The following SNRNP200 variants were observed in gnomAD, a reference collection of about 807,000 sequenced individuals.
SNRNP200 encodes the protein U5 small nuclear ribonucleoprotein 200 kDa helicase.
In SNRNP200, 66 loss-of-function variants were observed where a neutral mutation model predicts 255.2. That is an observed-to-expected ratio of 0.26 (90% CI 0.21 to 0.32). SNRNP200 has a LOEUF of 0.32. Ranked by LOEUF, SNRNP200 falls within the 10% of genes least tolerant of loss-of-function variation. The pLI, the probability that SNRNP200 is intolerant of heterozygous loss-of-function variation, is 1.00. For missense variants in SNRNP200, 1,585 were observed against 2,749.8 expected (o/e 0.58, Z 9.47); for synonymous variants, 939 against 1,027.8 (o/e 0.91, Z 1.65).
intron 29 of SNRNP200, among the ~76,000 whole-genome samples, chr2:96,285,602 C>G (rs1320112317): frequency 6.6e-6 from 1 of 152,158 alleles, no homozygotes; most frequent in African/African-American, 2.4e-5. Flanking sequence ...GGGATGACAA[C>G]AAAAGCAAAG....
chr2:96,285,962 T>C (rs568851964), intron 29 of SNRNP200, among the ~76,000 whole-genome samples: 4 of 152,282 alleles, frequency 2.6e-5, no homozygotes, highest in Admixed American at 2.6e-4. Flanking sequence ...GCCTGCTCTG[T>C]GAATGTCCCC....
In SNRNP200 at chr2:96,294,889, T is replaced by C. The variant is rs191995512; in HGVS notation, c.1842+599A>G. ...TGGCTTAAGATCAAGTGTAGTAAAATATTTCAGACATAAAAAAATATATAA... is the reference window on the plus strand; with the variant it reads ...TGGCTTAAGATCAAGTGTAGTAAAACATTTCAGACATAAAAAAATATATAA... On this transcript the variant is annotated intron_variant, in intron 14 of 44. Coordinates refer to ENST00000323853, the MANE Select transcript of SNRNP200 (RefSeq NM_014014.5). Among the ~76,000 whole-genome samples, 245 of 152,236 alleles carry C rather than the reference T, an allele frequency of 1.6e-3. 1 individual carries two copies. The highest frequency in any genetic ancestry group is 3.9e-3 in the East Asian group (20 of 5,184).
In SNRNP200 at chr2:96,279,345, G is replaced by A. The variant is rs148976255; in HGVS notation, c.5133+106C>T. 228 of 805,492 alleles carry A rather than the reference G, an allele frequency of 2.8e-4. 2 individuals carry two copies. In the East Asian group the frequency reaches 6.0e-3, roughly 21 times the overall value. 49.9% of individuals were successfully genotyped at this position (805,492 alleles called of 1,614,324 possible). ...CAAAAGAATTGTGTAAATAAGAGAG[G>A]CAGAAGTTAAGAGACTAAAGTTACT... is the stretch of plus-strand genomic sequence containing the variant. On this transcript the variant is annotated intron_variant, in intron 36 of 44. Transcript: ENST00000323853.
rs1028878979 is a variant in SNRNP200, at chr2:96,301,442, T to C, written c.574+82A>G. 20 of 1,432,900 alleles carry C rather than the reference T, an allele frequency of 1.4e-5. No homozygotes were observed. The African/African-American group carries it at 2.2e-4, about 16-fold the overall frequency. The allele number at this position is 1,432,900 out of a possible 1,614,324, so 88.8% of individuals were successfully genotyped here. A position where few individuals can be genotyped will look rare whatever the true frequency, so the allele number is the denominator to read the frequency against. The stretch of plus-strand genomic sequence containing the variant: ...GGGAACTCACTGACATTAAGGTTTT[T>C]AAATGAATGATGCTAGAAGATGCAT... On this transcript the variant is annotated intron_variant, in intron 4 of 44. Transcript: ENST00000323853.
At position 96,290,620 on chromosome 2, in the gene SNRNP200, G is replaced by A. The variant is rs544744951; in HGVS notation, c.2553+64C>T. 2.1e-4 allele frequency: 332 copies of A among 1,613,278 alleles called. 3 individuals carry two copies. The South Asian group carries it at 3.5e-3, about 17-fold the overall frequency. On this transcript the variant is annotated intron_variant, in intron 19 of 44. Coordinates refer to ENST00000323853, the MANE Select transcript of SNRNP200 (RefSeq NM_014014.5). The surrounding 1 kb of genome is among the most constrained non-coding windows in gnomAD (Gnocchi z 4.5). ...AGACCTCTGATCTGCTAGCTTTCCA[G>A]CATCCCTGCATTTCAGGCAAGGATA...
intron 2 of SNRNP200, among the ~76,000 whole-genome samples, 166 bp downstream of exon 2, chr2:96,304,536 CTTG>C (rs2063974871): frequency 6.6e-6 from 1 of 152,198 alleles, no homozygotes; most frequent in South Asian, 2.1e-4. Context: ...TTGAGATGCA[CTTG>C]TTAAGGCCAA....
At position 96,274,701 on chromosome 2, in the gene SNRNP200, CTT is replaced by C. The variant is rs994411639; in HGVS notation, c.*309_*310del. 16 of 403,846 alleles carry C rather than the reference CTT, an allele frequency of 4.0e-5. No homozygotes were observed. The highest frequency in any genetic ancestry group is 2.0e-4 in the African/African-American group (10 of 49,010). 25.0% of individuals were successfully genotyped at this position (403,846 alleles called of 1,614,324 possible). A position where few individuals can be genotyped will look rare whatever the true frequency, so the allele number is the denominator to read the frequency against. ...GTGCCCTCAGGTTGGAGAAAGAAAA[CTT>C]TTAATTTGGAATCACTACAAAGACA... is the stretch of plus-strand genomic sequence containing the variant. On this transcript the variant is annotated 3_prime_UTR_variant, in exon 45 of 45. Transcript: ENST00000323853.
In SNRNP200 at chr2:96,274,693, AAAG is replaced by A. The variant is rs1684624430; in HGVS notation, c.*316_*318del. ...TTTTGGCCGTGCCCTCAGGTTGGAGAAAGAAAACTTTTAATTTGGAATCACTAC... is the reference window on the plus strand; with the variant it reads ...TTTTGGCCGTGCCCTCAGGTTGGAGAAAAACTTTTAATTTGGAATCACTAC... On this transcript the variant is annotated 3_prime_UTR_variant, in exon 45 of 45. Coordinates refer to ENST00000323853, the MANE Select transcript of SNRNP200 (RefSeq NM_014014.5). The A allele has an allele frequency of 2.5e-6, 1 of 392,340 alleles. No individual in the cohort carries two copies. 24.3% of individuals were successfully genotyped at this position (392,340 alleles called of 1,614,324 possible).
intron 24 of SNRNP200, 68 bp from the exon 25 acceptor site, chr2:96,288,037 A>G (rs1238145950): frequency 1.3e-5 from 18 of 1,407,880 alleles, no homozygotes; most frequent in Non-Finnish European, 8.1e-6. Context: ...GCCACTCTAC[A>G]CACGGTTTCA....
intron 30 of SNRNP200, 166 bp from the exon 31 acceptor site, chr2:96,284,751 T>TG: frequency 1.7e-6 from 1 of 593,430 alleles, no homozygotes. Flanking sequence ...AGCTTTTTCT[T>TG]TTTTTTTTTT....
At chr2:96,301,159 G>C (rs953161907) in intron 4 of SNRNP200, 106 bp from the exon 5 acceptor site, 1 of 952,548 alleles carries the variant, frequency 1.0e-6, no homozygotes, top group Non-Finnish European at 1.7e-6. Context: ...AAAGATCTAA[G>C]TGCTAAGGAC....
At position 96,293,332 on chromosome 2, in the gene SNRNP200, A is replaced by T. The variant is rs756478698; in HGVS notation, c.2020T>A (p.Phe674Ile). The T allele has an allele frequency of 6.2e-7, 1 of 1,614,124 alleles. No homozygotes were observed. ...TCCTGATACCTGTTGTCAAAGTAAA[A>T]GAGACCCTTGGCAGGGTCAACACGT... ...FLRVDPAKGL[F>I]YFDNSFRPVP... Residue 674 changes from phenylalanine to isoleucine, a missense_variant, in exon 15 of 45, where the codon TTT becomes ATT. Transcript: ENST00000323853.
At chr2:96,279,371 G>C (rs563640201) in intron 36 of SNRNP200, 80 bp downstream of exon 36, 5 of 913,610 alleles carry the variant, frequency 5.5e-6, no homozygotes, top group Non-Finnish European at 8.9e-6. Flanking sequence ...TAAAGTTACT[G>C]AAGACATCTA....
At chr2:96,280,496 A>T (rs529517083) in intron 35 of SNRNP200, among the ~76,000 whole-genome samples, 2 of 148,980 alleles carry the variant, frequency 1.3e-5, no homozygotes, top group African/African-American at 2.5e-5. Flanking sequence ...AGATTGTCTT[A>T]AAAAAAAAAC....
rs1176361345 is a variant in SNRNP200 at position 96,281,888 on chromosome 2, G to A, written c.4950C>T (p.Leu1650=). 1.2e-6 allele frequency: 2 copies of A among 1,614,134 alleles called. No homozygotes were observed. Among genetic ancestry groups the A allele is most frequent in the Non-Finnish European group, 8.5e-7 (1 of 1,180,010 alleles). Residue 1650 remains leucine (L), a synonymous_variant, in exon 35 of 45, where the codon CTC becomes CTT. Transcript: ENST00000323853. ...GGGCAGCCACGTTCATGCCCCAGCA[G>A]AGACTCCGAGAAGCCACCACCACCT... ...AIQVVVASRS[L]CWGMNVAAHL... is the part of the protein sequence containing the mutation.
At chr2:96,289,699 A>G in intron 21 of SNRNP200, 100 bp downstream of exon 21, 1 of 1,029,838 alleles carries the variant, frequency 9.7e-7, no homozygotes, top group Non-Finnish European at 1.5e-6. Flanking sequence ...ACAGGTGATT[A>G]GATAGGCAGT....
At chr2:96,282,741 T>A (rs116576884) in intron 34 of SNRNP200, 4,052 of 287,298 alleles carry the variant, frequency 0.014, 160 homozygotes, top group African/African-American at 0.084. Context: ...CTGCTTCCCC[T>A]TTGCCTTCCC....
In SNRNP200 at chr2:96,278,147, G is replaced by A. The variant is rs531636199; in HGVS notation, c.5610+90C>T. 1.3e-6 allele frequency: 2 copies of A among 1,596,832 alleles called. No homozygotes were observed. The highest frequency in any genetic ancestry group is 2.2e-5 in the East Asian group (1 of 44,794). On this transcript the variant is annotated intron_variant, in intron 39 of 44. Coordinates refer to ENST00000323853, the MANE Select transcript of SNRNP200 (RefSeq NM_014014.5). This position sits in a 1 kb window ranked among gnomAD's most constrained non-coding sequence, Gnocchi z 6.9. Reference sequence around the variant, plus strand: ...GGCGGGGGTCGGGGGATGCGTATGGGCGTGTTGGTGGCAGGGATGCCATGT... The same window carrying A: ...GGCGGGGGTCGGGGGATGCGTATGGACGTGTTGGTGGCAGGGATGCCATGT...
intron 24 of SNRNP200, 35 bp from the exon 25 acceptor site, chr2:96,288,004 T>C (rs748334636): frequency 6.3e-7 from 1 of 1,593,594 alleles, no homozygotes. Flanking sequence ...CTGTTAAGTC[T>C]CGACTATCCC....
Sources: allele counts gnomAD v4.1 joint callset (sites outside exome capture counted in the v4.1 genomes callset), GRCh38; gene constraint gnomAD v4.1.1; non-coding constraint Gnocchi (gnomAD v3.1); transcripts MANE v1.5; gene names NCBI Gene and HGNC (gene_info 2026-07-23, HGNC 2026-07-21).